The following ALPK2 variants were observed in gnomAD, a reference collection of about 807,000 sequenced individuals.
The protein encoded by ALPK2 is alpha kinase 2.
In ALPK2, 127 loss-of-function variants were observed where a neutral mutation model predicts 163.1. That is an observed-to-expected ratio of 0.78 (90% CI 0.67 to 0.90). The LOEUF (loss-of-function observed/expected upper bound fraction) is 0.90. Ranked by LOEUF, ALPK2 falls within the 40% of genes least tolerant of loss-of-function variation. The pLI is 0.00. For missense variants in ALPK2, 2,360 were observed against 2,589.6 expected, an observed-to-expected ratio of 0.91 and a Z score of 1.92; for synonymous variants, 953 against 959.1, an observed-to-expected ratio of 0.99 and a Z score of 0.12.
intron 4 of ALPK2, among the ~76,000 whole-genome samples, chr18:58,559,640 C>G (rs2051814862): frequency 6.6e-6 from 1 of 152,186 alleles, no homozygotes; most frequent in Non-Finnish European, 1.5e-5. Flanking sequence ...TGACTCAGGC[C>G]TGACCTTCTG....
At chr18:58,501,227 AC>A (rs1284505635) in intron 11 of ALPK2, among the ~76,000 whole-genome samples, 1 of 152,256 alleles carries the variant, frequency 6.6e-6, no homozygotes, top group African/African-American at 2.4e-5. Context: ...GTTTACTAGT[AC>A]CTGGAAGTGA....
rs1482504393 is a variant in ALPK2 at position 58,579,727 on chromosome 18, C to G, written c.1049G>C (p.Gly350Ala). Residue 350 changes from glycine to alanine, a missense_variant, in exon 4 of 13, where the codon GGG (glycine) becomes GCG (alanine). Gly to Ala is a moderately conservative substitution (Grantham distance 60, BLOSUM62 0). Transcript: ENST00000361673. ...SNAVWQRNLL[G>A]TEHVFLLESD... ...TTCTAATAAAAAAACATGCTCAGTC[C>G]CCAGCAGGTTCCTTTGCCAAACTGC... is the stretch of plus-strand genomic sequence containing the variant. The G allele has an allele frequency of 6.2e-7, 1 of 1,614,170 alleles. No individual in the cohort carries two copies. Among genetic ancestry groups the G allele is most frequent in the Non-Finnish European group, 8.5e-7 (1 of 1,180,030 alleles).
intron 12 of ALPK2, among the ~76,000 whole-genome samples, chr18:58,496,596 C>G (rs1366657249): frequency 6.6e-6 from 1 of 152,210 alleles, no homozygotes; most frequent in Non-Finnish European, 1.5e-5. Flanking sequence ...TTTATTGAAG[C>G]TGAAAATTAG....
chr18:58,515,190 G>C (rs1171849047), intron 9 of ALPK2, 109 bp from the exon 10 acceptor site: 22 of 789,892 alleles, frequency 2.8e-5, no homozygotes, highest in Non-Finnish European at 4.0e-5. Flanking sequence ...CCAATGAACT[G>C]ACAAGCCCAT....
chr18:58,483,712 G>A (rs541779396), intron 12 of ALPK2, among the ~76,000 whole-genome samples: 58 of 144,134 alleles, frequency 4.0e-4, no homozygotes, highest in Non-Finnish European at 6.7e-4. Flanking sequence ...CACCACACCC[G>A]GCTAATTTTT....
intron 4 of ALPK2, among the ~76,000 whole-genome samples, chr18:58,572,524 G>A (rs4940726): frequency 0.85 from 129,558 of 152,264 alleles, 55,508 homozygotes; most frequent in East Asian, 1. Context: ...AGCGAACTGC[G>A]TGGAATACTA....
intron 12 of ALPK2, among the ~76,000 whole-genome samples, chr18:58,490,333 G>A (rs1026271945): frequency 3.9e-5 from 6 of 152,178 alleles, no homozygotes; most frequent in Non-Finnish European, 8.8e-5. Context: ...AATGCCATCT[G>A]AGCCACCACT....
At chr18:58,502,788 T>C (rs762620527) in intron 11 of ALPK2, among the ~76,000 whole-genome samples, 1 of 152,238 alleles carries the variant, frequency 6.6e-6, no homozygotes, top group African/African-American at 2.4e-5. Context: ...GAACTTTCTC[T>C]GATCATGTTT....
At chr18:58,540,232 G>A (rs1355169989) in intron 4 of ALPK2, among the ~76,000 whole-genome samples, 2 of 151,946 alleles carry the variant, frequency 1.3e-5, no homozygotes, top group Non-Finnish European at 2.9e-5. Context: ...TGAGACAGCT[G>A]TAGCCAACTT....
intron 6 of ALPK2, among the ~76,000 whole-genome samples, chr18:58,528,397 A>G (rs935541997): frequency 4.6e-5 from 7 of 152,060 alleles, no homozygotes; most frequent in Non-Finnish European, 7.4e-5. Flanking sequence ...TTAGCCAAGC[A>G]TGGTGGTGTG....
intron 10 of ALPK2, among the ~76,000 whole-genome samples, chr18:58,507,105 G>C (rs895007507): frequency 6.6e-6 from 1 of 152,180 alleles, no homozygotes; most frequent in African/African-American, 2.4e-5. Context: ...GACTTTTGAT[G>C]TTCATTAATT....
intron 1 of ALPK2, among the ~76,000 whole-genome samples, chr18:58,623,163 C>T (rs1004523823): frequency 6.6e-6 from 1 of 152,198 alleles, no homozygotes; most frequent in Non-Finnish European, 1.5e-5. Flanking sequence ...CTTCTACCCT[C>T]ATCCTTCAAC....
chr18:58,587,124 C>G (rs1378415980), intron 3 of ALPK2, among the ~76,000 whole-genome samples: 1 of 152,214 alleles, frequency 6.6e-6, no homozygotes. Context: ...CATGCACACA[C>G]AGCCCCTCAA....
chr18:58,599,468 AG>A (rs2144219320), intron 3 of ALPK2, among the ~76,000 whole-genome samples: 1 of 152,372 alleles, frequency 6.6e-6, no homozygotes, highest in African/African-American at 2.4e-5. Flanking sequence ...TTAAGCTCAC[AG>A]GAACATGAAG....
rs778447149 is a variant in ALPK2 at position 58,537,645 on chromosome 18, T to A, written c.2542A>T (p.Lys848Ter). Residue 848 changes from lysine (K) to a stop codon, truncating the protein, a stop_gained, in exon 5 of 13, where the codon AAA becomes TAA. Coordinates refer to ENST00000361673, the MANE Select transcript of ALPK2 (RefSeq NM_052947.4). LOFTEE classifies it high-confidence loss of function. ...TTAGAAGAACATAAATCAGATACTTTGTTTTGACCTTCTGCCAGTTCCGTA... is the reference window on the plus strand; with the variant it reads ...TTAGAAGAACATAAATCAGATACTTAGTTTTGACCTTCTGCCAGTTCCGTA... ...VDTELAEGQN[K>*]VSDLCSSNDK... 1.2e-6 allele frequency: 2 copies of A among 1,613,374 alleles called. No individual in the cohort carries two copies. Among genetic ancestry groups the A allele is most frequent in the African/African-American group, 2.7e-5 (2 of 74,918 alleles).
At chr18:58,489,678 C>G (rs2144098676) in intron 12 of ALPK2, among the ~76,000 whole-genome samples, 1 of 152,036 alleles carries the variant, frequency 6.6e-6, no homozygotes, top group South Asian at 2.1e-4. Flanking sequence ...CAGAGAAAGG[C>G]CCTATCTCAA....
intron 2 of ALPK2, among the ~76,000 whole-genome samples, chr18:58,607,818 T>C (rs2052106485): frequency 6.6e-6 from 1 of 152,256 alleles, no homozygotes; most frequent in East Asian, 1.9e-4. Flanking sequence ...TCTTGGGTCA[T>C]ATACTTTGTT....
chr18:58,611,942 G>A (rs1440301751), intron 1 of ALPK2, 125 bp from the exon 2 acceptor site: 2 of 603,914 alleles, frequency 3.3e-6, no homozygotes, highest in African/African-American at 1.9e-5. Flanking sequence ...TGGGCAGACT[G>A]AAGGTCTTTG....
chr18:58,597,154 G>T (rs2052045129), intron 3 of ALPK2, among the ~76,000 whole-genome samples: 1 of 152,152 alleles, frequency 6.6e-6, no homozygotes. Flanking sequence ...GTCAGGTGTG[G>T]TGGTGGGGAC....
Sources: gnomAD v4.1 joint callset for allele counts (sites outside exome capture counted in the v4.1 genomes callset) on GRCh38, gnomAD v4.1.1 for gene constraint, MANE v1.5 for transcripts, NCBI Gene and HGNC (gene_info 2026-07-23, HGNC 2026-07-21) for gene names.